The following CCDC192 variants were observed in gnomAD, a reference collection of about 807,000 sequenced individuals.
The protein encoded by CCDC192 is coiled-coil domain-containing protein 192.
At chr5:127,711,747 A>G (rs1243612169) in intron 2 of CCDC192, among the ~76,000 whole-genome samples, 1 of 152,188 alleles carries the variant, frequency 6.6e-6, no homozygotes, top group African/African-American at 2.4e-5. Context: ...AGATGAGAAC[A>G]ATATAAAATT....
intron 3 of CCDC192, chr5:127,786,347 AG>A: frequency 1.6e-6 from 1 of 632,540 alleles, no homozygotes; most frequent in Non-Finnish European, 2.9e-6. Flanking sequence ...GAAAAAAAAA[AG>A]AGAGAGATTC....
chr5:127,707,126 C>T (rs1751013459), intron 1 of CCDC192, among the ~76,000 whole-genome samples: 1 of 152,046 alleles, frequency 6.6e-6, no homozygotes, highest in Non-Finnish European at 1.5e-5. Flanking sequence ...AGTCTAATTG[C>T]AGTGGCTTTA....
intron 3 of CCDC192, among the ~76,000 whole-genome samples, chr5:127,763,967 G>C (rs1056429380): frequency 6.6e-6 from 1 of 152,062 alleles, no homozygotes; most frequent in Non-Finnish European, 1.5e-5. Context: ...GATGTCCTTA[G>C]GTGCTTTCAT....
chr5:127,879,215 C>G (rs1232852630), intron 6 of CCDC192, among the ~76,000 whole-genome samples: 1 of 151,820 alleles, frequency 6.6e-6, no homozygotes, highest in Non-Finnish European at 1.5e-5. Flanking sequence ...ACCAAAACAG[C>G]ATGGTACTGG....
intron 5 of CCDC192, among the ~76,000 whole-genome samples, chr5:127,846,976 T>C (rs1262480957): frequency 6.6e-6 from 1 of 152,154 alleles, no homozygotes; most frequent in Non-Finnish European, 1.5e-5. Flanking sequence ...GTCCCCCTCT[T>C]GTGCAGGCCT....
chr5:127,939,238 C>T (rs1385424067), intron 6 of CCDC192, among the ~76,000 whole-genome samples: 4 of 150,960 alleles, frequency 2.6e-5, no homozygotes, highest in African/African-American at 9.8e-5. Flanking sequence ...GAGCCTCAGC[C>T]TCCCGAGTAG....
At chr5:127,772,350 T>C (rs948833436) in intron 3 of CCDC192, among the ~76,000 whole-genome samples, 10 of 151,636 alleles carry the variant, frequency 6.6e-5, no homozygotes, top group Non-Finnish European at 2.9e-5. Context: ...TCCCAGCTAC[T>C]CTGGAGGCTG....
chr5:127,798,249 A>T (rs1055539562), intron 5 of CCDC192, 87 bp downstream of exon 5: 1 of 395,642 alleles, frequency 2.5e-6, no homozygotes, highest in Admixed American at 4.4e-5. Flanking sequence ...GTTATAAATG[A>T]GTTTCGTCTG....
intron 2 of CCDC192, among the ~76,000 whole-genome samples, chr5:127,727,644 G>C (rs1221058866): frequency 6.6e-6 from 1 of 152,126 alleles, no homozygotes; most frequent in Non-Finnish European, 1.5e-5. Flanking sequence ...TGCTCCAAAT[G>C]ATCACAACAC....
intron 5 of CCDC192, among the ~76,000 whole-genome samples, chr5:127,800,384 A>AAC (rs1757423353): frequency 7.3e-6 from 1 of 137,356 alleles, no homozygotes; most frequent in Non-Finnish European, 1.6e-5. Flanking sequence ...CTGAAAAAAA[A>AAC]AAAAAAAAAA....
intron 5 of CCDC192, among the ~76,000 whole-genome samples, chr5:127,820,477 A>C (rs1341600881): frequency 6.6e-6 from 1 of 152,118 alleles, no homozygotes; most frequent in South Asian, 2.1e-4. Context: ...GCTACTCAGG[A>C]AGGCTGAGGC....
At chr5:127,815,443 G>A (rs1437119407) in intron 5 of CCDC192, among the ~76,000 whole-genome samples, 4 of 152,062 alleles carry the variant, frequency 2.6e-5, no homozygotes, top group Non-Finnish European at 5.9e-5. Context: ...GATAGGGGGT[G>A]GGGAAAATCA....
chr5:127,906,679 GGGAGGCTGA>G (rs1753203268), intron 6 of CCDC192, among the ~76,000 whole-genome samples: 1 of 152,044 alleles, frequency 6.6e-6, no homozygotes, highest in Admixed American at 6.6e-5. Flanking sequence ...CCAGCTACTT[GGGAGGCTGA>G]GGCAGGAGGA....
chr5:127,833,520 A>G (rs245201), intron 5 of CCDC192, among the ~76,000 whole-genome samples: 44,350 of 152,020 alleles, frequency 0.29, 6,636 homozygotes, highest in South Asian at 0.45. Context: ...ACATGCCATC[A>G]TACATATAGC....
chr5:127,897,476 G>A (rs80182313), intron 6 of CCDC192, among the ~76,000 whole-genome samples: 8 of 152,268 alleles, frequency 5.3e-5, no homozygotes, highest in African/African-American at 9.6e-5. Flanking sequence ...TAAGGCTCTC[G>A]GGTTCTAAGT....
intron 2 of CCDC192, among the ~76,000 whole-genome samples, chr5:127,738,321 C>G (rs1753156779): frequency 7.8e-6 from 1 of 127,636 alleles, no homozygotes; most frequent in African/African-American, 3.2e-5. Context: ...GATGGGCTTC[C>G]CTTTGAGGGT....
At chr5:127,902,357 T>TC (rs1315370292) in intron 6 of CCDC192, among the ~76,000 whole-genome samples, 2 of 151,942 alleles carry the variant, frequency 1.3e-5, no homozygotes, top group African/African-American at 2.4e-5. Context: ...ATAAAAGTTT[T>TC]TTTTTTTTTC....
At chr5:127,726,450 CTT>C (rs1752327429) in intron 2 of CCDC192, among the ~76,000 whole-genome samples, 1 of 152,166 alleles carries the variant, frequency 6.6e-6, no homozygotes, top group South Asian at 2.1e-4. Flanking sequence ...CTTTGAAAAA[CTT>C]TCTCTGGTAG....
rs1754343963 is a variant in CCDC192, at chr5:127,940,220, G to T, written c.536-962G>T. 1.3e-5 allele frequency among the ~76,000 whole-genome samples: 2 copies of T among 152,110 alleles called. 1 individual carries two copies. Among genetic ancestry groups the T allele is most frequent in the African/African-American group, 4.8e-5 (2 of 41,418 alleles). ...GGTTAACTGATAGAAATTGATAAAG[G>T]ATAAGCTTTCATGTCCAAGAGGTAT... is the stretch of plus-strand genomic sequence containing the variant. On this transcript the variant is annotated intron_variant, in intron 6 of 6. Transcript: ENST00000514853.
Sources: gnomAD v4.1 joint callset for allele counts (sites outside exome capture counted in the v4.1 genomes callset) on GRCh38, gnomAD v4.1.1 for gene constraint, MANE v1.5 for transcripts, NCBI Gene and HGNC (gene_info 2026-07-23, HGNC 2026-07-21) for gene names.